GALNT17: variants seen among roughly 807,000 people sequenced by gnomAD.
The protein encoded by GALNT17 is polypeptide N-acetylgalactosaminyltransferase 17.
In GALNT17, 29 loss-of-function variants were observed where a neutral mutation model predicts 63.7. The observed-to-expected ratio is 0.46, with a 90% CI of 0.34 to 0.62. GALNT17 has a LOEUF of 0.62. GALNT17 is among the 20% of genes least tolerant of loss of function. The pLI is 0.01. For synonymous variants in GALNT17, 305 were observed against 318.3 expected, an observed-to-expected ratio of 0.96 and a Z score of 0.45; for missense variants, 603 against 799.6, an observed-to-expected ratio of 0.75 and a Z score of 2.97.
At chr7:71,378,879 G>A (rs1792792672) in intron 2 of GALNT17, among the ~76,000 whole-genome samples, 2 of 152,114 alleles carry the variant, frequency 1.3e-5, no homozygotes, top group Non-Finnish European at 2.9e-5. Context: ...GTGCACGCCT[G>A]TAGTCCCAGC....
intron 1 of GALNT17, among the ~76,000 whole-genome samples, chr7:71,273,839 A>ATGTG (rs151111481): frequency 0.038 from 5,644 of 150,310 alleles, 118 homozygotes; most frequent in South Asian, 0.058. Context: ...TAATGAGATA[A>ATGTG]TGTGTGTGTG....
intron 1 of GALNT17, among the ~76,000 whole-genome samples, chr7:71,265,118 A>ATATTTTTTTTTTTTTT (rs1390488895): frequency 2.7e-5 from 1 of 37,456 alleles, no homozygotes; most frequent in Non-Finnish European, 6.8e-5. Flanking sequence ...ATATATATAT[A>ATATTTTTTTTTTTTTT]TTTTTTTTTT....
chr7:71,685,417 C>G (rs1317713243), intron 9 of GALNT17: 4 of 152,228 alleles, frequency 2.6e-5, no homozygotes, highest in Non-Finnish European at 4.4e-5. Flanking sequence ...AACCCCCGAC[C>G]TAGTGGAGGT....
At chr7:71,452,560 A>C (rs902106547) in intron 5 of GALNT17, among the ~76,000 whole-genome samples, 2 of 152,216 alleles carry the variant, frequency 1.3e-5, no homozygotes, top group Non-Finnish European at 2.9e-5. Flanking sequence ...AAATTTAAAA[A>C]TAAAAAAGGA....
chr7:71,585,462 CAACT>C (rs1789701373), intron 6 of GALNT17, among the ~76,000 whole-genome samples: 1 of 152,168 alleles, frequency 6.6e-6, no homozygotes, highest in Admixed American at 6.6e-5. Flanking sequence ...TTTTCCTACT[CAACT>C]ATTTGTGTAT....
At chr7:71,199,703 ATC>A (rs1562908076) in intron 1 of GALNT17, among the ~76,000 whole-genome samples, 4 of 138,254 alleles carry the variant, frequency 2.9e-5, no homozygotes, top group South Asian at 2.3e-4. Flanking sequence ...CCATCCATCC[ATC>A]CATCCATGTA....
chr7:71,415,005 A>C (rs1793499487), intron 3 of GALNT17, among the ~76,000 whole-genome samples: 1 of 150,534 alleles, frequency 6.6e-6, no homozygotes, highest in African/African-American at 2.5e-5. Flanking sequence ...AAATGCCTTT[A>C]GTTTTATTTA....
At chr7:71,202,656 T>C (rs756918551) in intron 1 of GALNT17, among the ~76,000 whole-genome samples, 2 of 152,208 alleles carry the variant, frequency 1.3e-5, no homozygotes, top group African/African-American at 4.8e-5. Context: ...ATTTAAAACC[T>C]ACTCTCTTAG....
chr7:71,692,366 A>G (rs1287394170), intron 9 of GALNT17, among the ~76,000 whole-genome samples: 1 of 152,126 alleles, frequency 6.6e-6, no homozygotes, highest in Non-Finnish European at 1.5e-5. Flanking sequence ...AAAGAAATAT[A>G]TTGATTTGTT....
chr7:71,451,801 C>A (rs1045533054), intron 5 of GALNT17, among the ~76,000 whole-genome samples: 2 of 152,050 alleles, frequency 1.3e-5, no homozygotes, highest in African/African-American at 2.4e-5. Flanking sequence ...CCTCTTTGGT[C>A]TAAGAGTTAT....
chr7:71,174,116 C>A (rs576619520), intron 1 of GALNT17, among the ~76,000 whole-genome samples: 1 of 152,264 alleles, frequency 6.6e-6, no homozygotes, highest in South Asian at 2.1e-4. Flanking sequence ...CCTTGAGGGG[C>A]TCATAGACAG....
chr7:71,332,753 G>A (rs529865065), intron 1 of GALNT17, among the ~76,000 whole-genome samples: 8 of 152,122 alleles, frequency 5.3e-5, no homozygotes, highest in South Asian at 4.1e-4. Flanking sequence ...GTGCAGTGGC[G>A]CAGTCTTGGC....
intron 6 of GALNT17, among the ~76,000 whole-genome samples, chr7:71,651,330 G>A (rs1011950175): frequency 3.4e-5 from 5 of 149,016 alleles, no homozygotes; most frequent in Admixed American, 3.3e-4. Context: ...TTGAGATGGA[G>A]TCTTCCTCTG....
Position 71,600,396 on chromosome 7 carries a change from A to G in GALNT17, c.1080+28994A>G, listed in dbSNP as rs1181807135. Among the ~76,000 whole-genome samples the G allele has an allele frequency of 2.9e-5, 3 of 103,176 alleles. No individual in the cohort carries two copies. The East Asian group carries it at 6.3e-4, about 22-fold the overall frequency. The allele number at this position is 103,176 out of a possible 152,430, so 67.7% of individuals were successfully genotyped here. A position where few individuals can be genotyped will look rare whatever the true frequency, so the allele number is the denominator to read the frequency against. ...ATTGAACTGGGGAACCAGAGGGTAC[A>G]TTGGGAGGATCAGGCAGGGGATTAG... On this transcript the variant is annotated intron_variant, in intron 6 of 10. Coordinates refer to ENST00000333538, the MANE Select transcript of GALNT17 (RefSeq NM_022479.3).
chr7:71,301,326 A>AT (rs989083205), intron 1 of GALNT17, among the ~76,000 whole-genome samples: 119 of 147,666 alleles, frequency 8.1e-4, no homozygotes, highest in African/African-American at 2.8e-3. Context: ...TTTAAAAAAT[A>AT]TTTTTTAATT....
At chr7:71,388,053 A>C (rs141381546) in intron 2 of GALNT17, among the ~76,000 whole-genome samples, 182 bp from the exon 3 acceptor site, 1 of 152,144 alleles carries the variant, frequency 6.6e-6, no homozygotes, top group East Asian at 1.9e-4. Context: ...TGCATCTGTT[A>C]ATGCTGTCCT....
intron 1 of GALNT17, among the ~76,000 whole-genome samples, chr7:71,312,892 T>A (rs1385523416): frequency 6.6e-6 from 1 of 152,140 alleles, no homozygotes; most frequent in African/African-American, 2.4e-5. Context: ...GGAGGATCAA[T>A]TGAAGCCAGG....
chr7:71,485,783 T>C (rs1265268652), intron 5 of GALNT17, among the ~76,000 whole-genome samples: 1 of 152,230 alleles, frequency 6.6e-6, no homozygotes, highest in African/African-American at 2.4e-5. Context: ...AATTCAGTTG[T>C]AATCCATCCT....
At chr7:71,427,825 CA>C (rs35791654) in intron 5 of GALNT17, among the ~76,000 whole-genome samples, 5,861 of 152,162 alleles carry the variant, frequency 0.039, 192 homozygotes, top group African/African-American at 0.087. Flanking sequence ...ATCAGATCAG[CA>C]GGGGCATTCG....
Sources: gnomAD v4.1 joint callset for allele counts (sites outside exome capture counted in the v4.1 genomes callset) on GRCh38, gnomAD v4.1.1 for gene constraint, MANE v1.5 for transcripts, NCBI Gene and HGNC (gene_info 2026-07-23, HGNC 2026-07-21) for gene names.